Variants in KCND2 observed in about 807,000 individuals in gnomAD.
KCND2 encodes A-type voltage-gated potassium channel KCND2.
Under a neutral mutation model 54.4 loss-of-function variants are expected in KCND2, and 16 were observed. The observed-to-expected ratio is 0.29, with a 90% CI of 0.20 to 0.45. The LOEUF is 0.45. KCND2 is among the 20% of genes least tolerant of loss of function. KCND2 has a pLI of 1.00. For missense variants in KCND2, 486 were observed against 824.2 expected, an observed-to-expected ratio of 0.59 and a Z score of 5.02; for synonymous variants, 317 against 310.7, an observed-to-expected ratio of 1.02 and a Z score of -0.21.
At chr7:120,293,246 A>G (rs1188082615) in intron 1 of KCND2, among the ~76,000 whole-genome samples, 1 of 151,984 alleles carries the variant, frequency 6.6e-6, no homozygotes, top group East Asian at 1.9e-4. Context: ...AAAATTAAAC[A>G]GAATACACAA....
intron 1 of KCND2, among the ~76,000 whole-genome samples, chr7:120,408,361 A>T (rs1584766434): frequency 6.6e-6 from 1 of 151,850 alleles, no homozygotes; most frequent in East Asian, 1.9e-4. Context: ...CTAAGAGATA[A>T]TTCAGACATA....
At chr7:120,624,821 TCA>T (rs967291537) in intron 1 of KCND2, among the ~76,000 whole-genome samples, 33 of 151,294 alleles carry the variant, frequency 2.2e-4, no homozygotes, top group Non-Finnish European at 4.0e-4. Context: ...AAAAAATAAG[TCA>T]ATCAAGTATC....
At chr7:120,349,219 T>C (rs1584741406) in intron 1 of KCND2, among the ~76,000 whole-genome samples, 1 of 152,096 alleles carries the variant, frequency 6.6e-6, no homozygotes, top group African/African-American at 2.4e-5. Flanking sequence ...GATGCCTTTA[T>C]GTGGCTGATT....
At chr7:120,345,510 C>T (rs184321018) in intron 1 of KCND2, among the ~76,000 whole-genome samples, 3 of 152,152 alleles carry the variant, frequency 2.0e-5, no homozygotes, top group African/African-American at 4.8e-5. Flanking sequence ...CTTACAAAAC[C>T]GAAACTCTGT....
intron 1 of KCND2, among the ~76,000 whole-genome samples, chr7:120,312,897 T>TA (rs1328230621): frequency 7.9e-5 from 12 of 152,112 alleles, no homozygotes; most frequent in African/African-American, 2.9e-4. Context: ...GTGACTTTTT[T>TA]TAAAAAAAAG....
At chr7:120,613,242 G>A (rs1218895130) in intron 1 of KCND2, among the ~76,000 whole-genome samples, 1 of 151,966 alleles carries the variant, frequency 6.6e-6, no homozygotes, top group Non-Finnish European at 1.5e-5. Flanking sequence ...CAAGAAAGAG[G>A]GTTGTGGCCA....
intron 1 of KCND2, among the ~76,000 whole-genome samples, chr7:120,595,935 G>A (rs1357466387): frequency 6.6e-6 from 1 of 151,746 alleles, no homozygotes; most frequent in Non-Finnish European, 1.5e-5. Flanking sequence ...GGAAGGAAGG[G>A]GAAATGGGGG....
chr7:120,564,534 T>C (rs1410746470), intron 1 of KCND2, among the ~76,000 whole-genome samples: 1 of 152,148 alleles, frequency 6.6e-6, no homozygotes, highest in Non-Finnish European at 1.5e-5. Context: ...TATAATAGAA[T>C]AAGACAACCT....
At chr7:120,685,369 T>C (rs1792187400) in intron 1 of KCND2, among the ~76,000 whole-genome samples, 1 of 152,162 alleles carries the variant, frequency 6.6e-6, no homozygotes, top group South Asian at 2.1e-4. Flanking sequence ...GGCTAACATA[T>C]ACACCAGCGC....
chr7:120,478,481 ATCTTT>A (rs1266582190), intron 1 of KCND2, among the ~76,000 whole-genome samples: 1 of 152,164 alleles, frequency 6.6e-6, no homozygotes, highest in Non-Finnish European at 1.5e-5. Flanking sequence ...TGCTAGTATC[ATCTTT>A]TCTTTATTCC....
intron 2 of KCND2, among the ~76,000 whole-genome samples, chr7:120,734,305 T>A (rs1283635901): frequency 6.6e-6 from 1 of 152,098 alleles, no homozygotes; most frequent in Non-Finnish European, 1.5e-5. Flanking sequence ...AGAGAAACCT[T>A]TAGGCTAAAC....
intron 1 of KCND2, among the ~76,000 whole-genome samples, chr7:120,570,364 A>G (rs866168647): frequency 4.0e-5 from 6 of 151,896 alleles, no homozygotes; most frequent in Non-Finnish European, 7.4e-5. Context: ...ACCACTGTGC[A>G]TTATATCCAC....
intron 1 of KCND2, among the ~76,000 whole-genome samples, chr7:120,543,602 TATGTAAC>T (rs1325278171): frequency 3.3e-5 from 5 of 152,052 alleles, no homozygotes; most frequent in Non-Finnish European, 1.5e-5. Flanking sequence ...TTTTTTCTAA[TATGTAAC>T]ATTGTCTTAC....
intron 1 of KCND2, among the ~76,000 whole-genome samples, chr7:120,495,423 G>C (rs1297458942): frequency 6.6e-6 from 1 of 151,908 alleles, no homozygotes; most frequent in Non-Finnish European, 1.5e-5. Flanking sequence ...AAACAAGCCT[G>C]TCAAACCAAT....
chr7:120,349,098 CT>C (rs1346765629), intron 1 of KCND2, among the ~76,000 whole-genome samples: 1 of 152,080 alleles, frequency 6.6e-6, no homozygotes, highest in Admixed American at 6.6e-5. Flanking sequence ...CTTACCACCC[CT>C]CATAAATATG....
rs987016356 is a variant in KCND2 at position 120,299,379 on chromosome 7, A to AGT, written c.1115+23646_1115+23647dup. 1.7e-3 allele frequency among the ~76,000 whole-genome samples: 252 copies of AGT among 151,174 alleles called. 1 individual carries two copies. Among genetic ancestry groups the AGT allele is most frequent in the African/African-American group, 5.5e-3 (229 of 41,312 alleles). On this transcript the variant is annotated intron_variant, in intron 1 of 5. Transcript: ENST00000331113. ...CAGATTTTCACCATTCTTTTGTGTG[A>AGT]GTGTGTGTGTGTGTGGTATGACTTG...
intron 1 of KCND2, among the ~76,000 whole-genome samples, chr7:120,583,787 G>GGT (rs1792551964): frequency 6.7e-6 from 1 of 149,644 alleles, no homozygotes; most frequent in African/African-American, 2.5e-5. Flanking sequence ...GGAATTGTGG[G>GGT]GGGGGGGACA....
intron 1 of KCND2, among the ~76,000 whole-genome samples, chr7:120,373,363 A>G (rs1293624107): frequency 6.6e-6 from 1 of 151,888 alleles, no homozygotes; most frequent in Non-Finnish European, 1.5e-5. Flanking sequence ...GGCACAATAC[A>G]ATCCAGAATA....
chr7:120,281,790 G>A (rs746456307), intron 1 of KCND2, among the ~76,000 whole-genome samples: 1 of 152,116 alleles, frequency 6.6e-6, no homozygotes, highest in Non-Finnish European at 1.5e-5. Context: ...GCACTTGTAC[G>A]CCATGGAGAG....
Sources: gnomAD v4.1 joint callset for allele counts (sites outside exome capture counted in the v4.1 genomes callset) on GRCh38, gnomAD v4.1.1 for gene constraint, MANE v1.5 for transcripts, NCBI Gene and HGNC (gene_info 2026-07-23, HGNC 2026-07-21) for gene names.